Variants in B4GALNT4 observed in about 807,000 individuals in gnomAD.
B4GALNT4 encodes N-acetyl-beta-glucosaminyl-glycoprotein 4-beta-N-acetylgalactosaminyltransferase 1.
B4GALNT4 carries 77 observed loss-of-function variants against 110.0 expected under a neutral mutation model. The ratio of observed to expected loss-of-function variants is 0.70; its 90% CI spans 0.58 to 0.85. The LOEUF is 0.85. Ranked by LOEUF, B4GALNT4 falls within the 40% of genes least tolerant of loss-of-function variation. The pLI is 0.00. For synonymous variants in B4GALNT4, 785 were observed against 655.5 expected (o/e 1.20, Z -3.02); for missense variants, 1,575 against 1,506.0 (o/e 1.05, Z -0.76).
At chr11:371,279 G>A (rs891020910) in intron 1 of B4GALNT4, among the ~76,000 whole-genome samples, 1 of 152,156 alleles carries the variant, frequency 6.6e-6, no homozygotes, top group African/African-American at 2.4e-5. Context: ...TCTGTCGGGG[G>A]ACCTGGGGCC....
rs1243057328 is a variant in B4GALNT4, at chr11:376,168, T to G, written c.1190T>G (p.Leu397Arg). 7.6e-7 allele frequency: 1 copy of G among 1,317,564 alleles called. No individual in the cohort carries two copies. The highest frequency in any genetic ancestry group is 4.8e-5 in the East Asian group (1 of 20,940). 81.6% of individuals were successfully genotyped at this position (1,317,564 alleles called of 1,614,324 possible). Residue 397 changes from leucine (L) to arginine (R), a missense_variant, in exon 12 of 20, where the codon CTG becomes CGG. Coordinates refer to ENST00000329962, the MANE Select transcript of B4GALNT4 (RefSeq NM_178537.5). ...TTCTACCGCGAGTCTCCGCTGTATC[T>G]GGAGAGGTGGGCGCGCGGCCGGGCT... is the stretch of plus-strand genomic sequence containing the variant. ...KCFYRESPLY[L>R]ERFGFYKYMK...
At chr11:370,409 G>T (rs1007389640) in intron 1 of B4GALNT4, among the ~76,000 whole-genome samples, 2 of 151,908 alleles carry the variant, frequency 1.3e-5, no homozygotes, top group African/African-American at 4.8e-5. Context: ...CCGGGCCGGG[G>T]CTTGCTGAAG....
chr11:376,287 G>A lies in B4GALNT4; in HGVS notation c.1233G>A (p.Glu411=), dbSNP rs200668419. The change falls in exon 13 of 20, where the codon GAG becomes GAA. Residue 411 remains glutamate (E), a synonymous_variant. Transcript: ENST00000329962. The stretch of plus-strand genomic sequence containing the variant: ...ATAAATACATGAAGATGGACAAGGA[G>A]GAGGGGGATGAGGATGAAGAAGACG... ...GFYKYMKMDK[E]EGDEDEEDEV... 3.1e-6 allele frequency: 5 copies of A among 1,610,484 alleles called. No individual in the cohort carries two copies. The highest frequency in any genetic ancestry group is 4.2e-6 in the Non-Finnish European group (5 of 1,178,520).
intron 1 of B4GALNT4, 120 bp from the exon 2 acceptor site, chr11:371,989 A>T: frequency 4.1e-6 from 3 of 732,146 alleles, no homozygotes; most frequent in Non-Finnish European, 6.8e-6. Context: ...AGTGAGAGAC[A>T]CCACAGCCTG....
At position 379,628 on chromosome 11, in the gene B4GALNT4, C is replaced by T. The variant is rs965676764; in HGVS notation, c.2415C>T (p.Asp805=). 13 of 1,519,882 alleles carry T rather than the reference C, an allele frequency of 8.6e-6. No homozygotes were observed. In the African/African-American group the frequency reaches 1.5e-4, roughly 18 times the overall value. 94.1% of individuals were successfully genotyped at this position (1,519,882 alleles called of 1,614,324 possible). A position where few individuals can be genotyped will look rare whatever the true frequency, so the allele number is the denominator to read the frequency against. ...EPAPAASVRP[D]GRPELCRPLR... ...CTCCCGCCGCCTCCGTGCGCCCCGACGGCCGCCCCGAGCTCTGCCGGCCAC... is the reference window on the plus strand; with the variant it reads ...CTCCCGCCGCCTCCGTGCGCCCCGATGGCCGCCCCGAGCTCTGCCGGCCAC... Residue 805 remains aspartate (D), a synonymous_variant, in exon 15 of 20, where the codon GAC becomes GAT. Coordinates refer to ENST00000329962, the MANE Select transcript of B4GALNT4 (RefSeq NM_178537.5).
intron 8 of B4GALNT4, among the ~76,000 whole-genome samples, chr11:374,151 C>T (rs1053130958): frequency 3.3e-5 from 5 of 151,892 alleles, no homozygotes; most frequent in Admixed American, 6.6e-5. Flanking sequence ...ACCGGGTCTT[C>T]GAGACTAGGA....
In B4GALNT4 at chr11:373,440, AC is replaced by A. The variant is rs756345849; in HGVS notation, c.637-3del. ...CCCCCACCACCACCCCTGCTCTATC[AC>A]CCCCCAGACTGGCTCCGAGTGGACA... is the stretch of plus-strand genomic sequence containing the variant. On this transcript the variant is annotated splice_polypyrimidine_tract_variant and splice_region_variant and intron_variant, in intron 6 of 19. Transcript: ENST00000329962. 3 of 1,238,876 alleles carry A rather than the reference AC, an allele frequency of 2.4e-6. No individual in the cohort carries two copies. The highest frequency in any genetic ancestry group is 2.2e-5 in the African/African-American group (1 of 44,582). The allele number at this position is 1,238,876 out of a possible 1,614,324, so 76.7% of individuals were successfully genotyped here. A position where few individuals can be genotyped will look rare whatever the true frequency, so the allele number is the denominator to read the frequency against.
intron 14 of B4GALNT4, among the ~76,000 whole-genome samples, chr11:379,112 G>A (rs1049938096): frequency 6.6e-6 from 1 of 152,230 alleles, no homozygotes; most frequent in Non-Finnish European, 1.5e-5. Flanking sequence ...GAGCAAGGGG[G>A]TAACAGGACA....
Position 376,546 on chromosome 11 carries a change from G to A in B4GALNT4, c.1423G>A (p.Ala475Thr), listed in dbSNP as rs1286215919. ...CCCCGCCCAGCCCGGAGCCACCCTC[G>A]CCCCGCCGACCCCTCCCCGCCCCCG... ...AAPAQPGATL[A>T]PPTPPRPRDG... Residue 475 changes from alanine (A) to threonine (T), a missense_variant, in exon 14 of 20, where the codon GCC (alanine) becomes ACC (threonine). Ala to Thr is a moderately conservative substitution (Grantham distance 58). Coordinates refer to ENST00000329962, the MANE Select transcript of B4GALNT4 (RefSeq NM_178537.5). The A allele has an allele frequency of 9.7e-6, 12 of 1,241,132 alleles. No homozygotes were observed. The East Asian group carries it at 5.2e-4, about 54-fold the overall frequency. 76.9% of individuals were successfully genotyped at this position (1,241,132 alleles called of 1,614,324 possible).
Position 369,573 on chromosome 11 carries a change from C to CG in B4GALNT4, c.-225dup, listed in dbSNP as rs1252585638. Among the ~76,000 whole-genome samples, 1 of 143,786 alleles carries CG rather than the reference C, an allele frequency of 7.0e-6. No homozygotes were observed. Among genetic ancestry groups the CG allele is most frequent in the African/African-American group, 2.5e-5 (1 of 39,992 alleles). The allele number at this position is 143,786 out of a possible 152,430, so 94.3% of individuals were successfully genotyped here. On this transcript the variant is annotated 5_prime_UTR_variant, in exon 1 of 20. The change creates a premature stop within an existing upstream ORF in the 5' untranslated region. Coordinates refer to ENST00000329962, the MANE Select transcript of B4GALNT4 (RefSeq NM_178537.5). ...GAGCGCGGAGCCGGGAGCGGCCGGG[C>CG]GGGGGGCACCGCGAGGAGCCGCCCC...
rs766138370 is a variant in B4GALNT4 at position 376,745 on chromosome 11, C to T, written c.1622C>T (p.Pro541Leu). The change falls in exon 14 of 20, where the codon CCA becomes CTA. Residue 541 changes from proline (P) to leucine (L), a missense_variant. By Grantham distance (98) the Pro-to-Leu change is moderately conservative (BLOSUM62 -3). Coordinates refer to ENST00000329962, the MANE Select transcript of B4GALNT4 (RefSeq NM_178537.5). Reference sequence around the variant, plus strand: ...GGACAGCGGGCATCCCCCCGGGCCCCAGCGCCGCGTGCGCCCTGGCCGCCC... The same window carrying T: ...GGACAGCGGGCATCCCCCCGGGCCCTAGCGCCGCGTGCGCCCTGGCCGCCC... The part of the protein sequence containing the change: ...RPGQRASPRA[P>L]APRAPWPPFP... 5.0e-6 allele frequency: 7 copies of T among 1,394,292 alleles called. No homozygotes were observed. In the Admixed American group the frequency reaches 1.6e-4, roughly 32 times the overall value. The allele number at this position is 1,394,292 out of a possible 1,614,324, so 86.4% of individuals were successfully genotyped here.
In B4GALNT4 at chr11:380,014, G is replaced by A. The variant is rs756461486; in HGVS notation, c.2637G>A (p.Leu879=). ...DVERALRAAR[L]PRYQYLRRTG... is the part of the protein sequence containing the mutation. ...AGCGGGCCCTGCGCGCCGCGCGCCTGCCCCGGTAACGACCCCTACTTCCAC... is the reference window on the plus strand; with the variant it reads ...AGCGGGCCCTGCGCGCCGCGCGCCTACCCCGGTAACGACCCCTACTTCCAC... Residue 879 remains leucine (L), a synonymous_variant, in exon 16 of 20, where the codon CTG becomes CTA. Transcript: ENST00000329962. The A allele has an allele frequency of 5.6e-6, 9 of 1,612,072 alleles. 1 individual carries two copies. In the South Asian group the frequency reaches 9.9e-5, roughly 18 times the overall value.
chr11:373,609 T>A (rs1432465612), intron 7 of B4GALNT4, 93 bp downstream of exon 7: 29 of 1,526,238 alleles, frequency 1.9e-5, no homozygotes, highest in Non-Finnish European at 2.3e-5. Context: ...TTGCGCACAC[T>A]CTGCACGAGC....
In B4GALNT4 at chr11:373,762, C is replaced by G. The variant is rs1224871482; in HGVS notation, c.717C>G (p.Ser239=). The G allele has an allele frequency of 6.2e-7, 1 of 1,612,324 alleles. No individual in the cohort carries two copies. The highest frequency in any genetic ancestry group is 2.2e-5 in the East Asian group (1 of 44,844). Residue 239 remains serine, a synonymous_variant, in exon 8 of 20, where the codon TCC becomes TCG. Transcript: ENST00000329962. ...QVSKPRRLMA[S]RRYYFELLHK... ...CTCGTGTCCCCAGGCTCATGGCCTC[C>G]CGGAGGTACTACTTTGAGTTGCTGC...
intron 14 of B4GALNT4, among the ~76,000 whole-genome samples, chr11:378,112 G>GC (rs1314264691): frequency 6.6e-6 from 1 of 151,998 alleles, no homozygotes; most frequent in African/African-American, 2.4e-5. Context: ...TGGAGACAGG[G>GC]CCAGGACTGT....
chr11:380,243 T>A, intron 17 of B4GALNT4, 41 bp downstream of exon 17: 1 of 1,607,582 alleles, frequency 6.2e-7, no homozygotes. Flanking sequence ...AAACGGGGCG[T>A]GCCCGGGGAG....
chr11:375,906 A>G lies in B4GALNT4; in HGVS notation c.1045A>G (p.Thr349Ala). The change falls in exon 11 of 20, where the codon ACC becomes GCC. Residue 349 changes from threonine (T) to alanine (A), a missense_variant. By Grantham distance (58) the Thr-to-Ala change is moderately conservative (BLOSUM62 0). Coordinates refer to ENST00000329962, the MANE Select transcript of B4GALNT4 (RefSeq NM_178537.5). ...NVLEPCAYAP[T>A]YVVKDFPIAR... ...GCTGGAGCCCTGCGCCTACGCCCCC[A>G]CCTACGTGGTCAAGGACTTCCCGAT... is the stretch of plus-strand genomic sequence containing the variant. 1.9e-6 allele frequency: 3 copies of G among 1,611,680 alleles called. No individual in the cohort carries two copies. Among genetic ancestry groups the G allele is most frequent in the Non-Finnish European group, 2.5e-6 (3 of 1,179,458 alleles).
chr11:381,940 C>G lies in B4GALNT4; in HGVS notation c.*148C>G. ...TGCCCCTCTCTGGCCCACTGGGCGT[C>G]GTGCCCCTCCCCGGAGAGGCAGCCT... is the stretch of plus-strand genomic sequence containing the variant. On this transcript the variant is annotated 3_prime_UTR_variant, in exon 20 of 20. Coordinates refer to ENST00000329962, the MANE Select transcript of B4GALNT4 (RefSeq NM_178537.5). 1 of 975,830 alleles carries G rather than the reference C, an allele frequency of 1.0e-6. No homozygotes were observed. Among genetic ancestry groups the G allele is most frequent in the Non-Finnish European group, 1.4e-6 (1 of 719,894 alleles). 60.4% of individuals were successfully genotyped at this position (975,830 alleles called of 1,614,324 possible).
chr11:378,780 C>T (rs990065478), intron 14 of B4GALNT4, among the ~76,000 whole-genome samples: 1 of 152,128 alleles, frequency 6.6e-6, no homozygotes, highest in Admixed American at 6.5e-5. Context: ...GAAGCAGCCT[C>T]CTCCACTCAG....
Sources: allele counts gnomAD v4.1 joint callset (sites outside exome capture counted in the v4.1 genomes callset), GRCh38; gene constraint gnomAD v4.1.1; transcripts MANE v1.5; gene names NCBI Gene and HGNC (gene_info 2026-07-23, HGNC 2026-07-21).